TCF7L1: variants seen among roughly 807,000 people sequenced by gnomAD.
The protein encoded by TCF7L1 is transcription factor 7 like 1.
In TCF7L1, 18 loss-of-function variants were observed where a neutral mutation model predicts 63.7. That is an observed-to-expected ratio of 0.28 (90% CI 0.20 to 0.42). TCF7L1 has a LOEUF of 0.42. Ranked by LOEUF, TCF7L1 falls within the 10% of genes least tolerant of loss-of-function variation. The probability of loss-of-function intolerance (pLI) is 1.00; values close to 1 mark genes in which losing one functional copy is unlikely to be tolerated. For synonymous variants in TCF7L1, 355 were observed against 340.9 expected (o/e 1.04, Z -0.46); for missense variants, 654 against 779.3 (o/e 0.84, Z 1.91).
chr2:85,159,798 T>C (rs1412080972), intron 3 of TCF7L1, among the ~76,000 whole-genome samples: 2 of 152,232 alleles, frequency 1.3e-5, no homozygotes, highest in Admixed American at 6.5e-5. Flanking sequence ...CTGCCGGCCT[T>C]GCTGGTTTCC....
At chr2:85,165,385 C>T (rs998693234) in intron 3 of TCF7L1, among the ~76,000 whole-genome samples, 1 of 152,196 alleles carries the variant, frequency 6.6e-6, no homozygotes, top group African/African-American at 2.4e-5. Context: ...TTAAATCTGC[C>T]CTCCAGTCCT....
chr2:85,153,663 T>C (rs1437311429), intron 3 of TCF7L1, among the ~76,000 whole-genome samples: 1 of 152,196 alleles, frequency 6.6e-6, no homozygotes, highest in Non-Finnish European at 1.5e-5. Context: ...ATTTAATCTC[T>C]ACACTGCACT....
chr2:85,177,842 A>G (rs1678714986), intron 3 of TCF7L1, among the ~76,000 whole-genome samples: 1 of 152,252 alleles, frequency 6.6e-6, no homozygotes, highest in Non-Finnish European at 1.5e-5. Flanking sequence ...ATCAAAGCAT[A>G]GGTACACAGT....
chr2:85,134,366 C>T lies in TCF7L1; in HGVS notation c.357C>T (p.Tyr119=), dbSNP rs1415173242. 1.3e-6 allele frequency: 2 copies of T among 1,580,558 alleles called. No individual in the cohort carries two copies. Among genetic ancestry groups the T allele is most frequent in the Middle Eastern group, 1.7e-4 (1 of 5,958 alleles). Residue 119 remains tyrosine (Y), a synonymous_variant, in exon 3 of 12, where the codon TAC becomes TAT. Transcript: ENST00000282111. The surrounding 1 kb of genome is among the most constrained non-coding windows in gnomAD (Gnocchi z 5.0). ...GCGCGTTCTTTAAAGGACCCCCGTA[C>T]CCTGGGTACCCCTTCCTGATGATCC... ...QDSAFFKGPP[Y]PGYPFLMIPD...
intron 3 of TCF7L1, among the ~76,000 whole-genome samples, chr2:85,281,107 T>G (rs1328919996): frequency 6.9e-6 from 1 of 144,928 alleles, no homozygotes; most frequent in East Asian, 2.2e-4. Context: ...CACTGCAACC[T>G]CCGCCTCCTG....
intron 3 of TCF7L1, among the ~76,000 whole-genome samples, chr2:85,235,096 G>T (rs1193076799): frequency 6.6e-6 from 1 of 152,120 alleles, no homozygotes; most frequent in Non-Finnish European, 1.5e-5. Context: ...TGTGCTGGAT[G>T]AATAGGCCTC....
chr2:85,289,242 G>GTGTA (rs1465777567), intron 4 of TCF7L1, among the ~76,000 whole-genome samples: 3 of 151,010 alleles, frequency 2.0e-5, no homozygotes, highest in Non-Finnish European at 4.5e-5. Context: ...GTGTGTGTGT[G>GTGTA]TGTGTGTGTG....
chr2:85,308,972 A>C, intron 11 of TCF7L1, 57 bp from the exon 12 acceptor site: 2 of 1,515,892 alleles, frequency 1.3e-6, no homozygotes, highest in Non-Finnish European at 1.8e-6. Flanking sequence ...GCTGTTCCTC[A>C]GCCTCCTCCT....
chr2:85,139,695 A>G (rs1228254033), intron 3 of TCF7L1, among the ~76,000 whole-genome samples: 1 of 152,132 alleles, frequency 6.6e-6, no homozygotes, highest in Non-Finnish European at 1.5e-5. Context: ...GTCTTCCTTC[A>G]CTCTCATCTT....
intron 3 of TCF7L1, among the ~76,000 whole-genome samples, chr2:85,236,386 G>A (rs116066682): frequency 0.019 from 2,932 of 152,228 alleles, 68 homozygotes; most frequent in Middle Eastern, 0.061. Flanking sequence ...GGCAAAATCA[G>A]GTCCATACTT....
chr2:85,288,306 A>G (rs968807124), intron 4 of TCF7L1, among the ~76,000 whole-genome samples: 2 of 152,166 alleles, frequency 1.3e-5, no homozygotes, highest in Non-Finnish European at 2.9e-5. Flanking sequence ...TAAGCTCCCC[A>G]GGAGATTCCA....
At chr2:85,308,326 C>T (rs1000436302) in intron 11 of TCF7L1, among the ~76,000 whole-genome samples, 8 of 136,670 alleles carry the variant, frequency 5.9e-5, no homozygotes, top group African/African-American at 1.8e-4. Flanking sequence ...ATGTAAAGTG[C>T]TTTCAATCTC....
At chr2:85,269,511 G>T (rs1260127556) in intron 3 of TCF7L1, among the ~76,000 whole-genome samples, 1 of 152,196 alleles carries the variant, frequency 6.6e-6, no homozygotes, top group East Asian at 1.9e-4. Flanking sequence ...TGTAGAGACA[G>T]GGTTTCACCA....
In TCF7L1 at chr2:85,240,985, C is replaced by A. The variant is rs190378162; in HGVS notation, c.442-42510C>A. Among the ~76,000 whole-genome samples the A allele has an allele frequency of 5.0e-4, 76 of 152,244 alleles. 1 individual carries two copies. The highest frequency in any genetic ancestry group is 3.9e-3 in the Admixed American group (60 of 15,280). On this transcript the variant is annotated intron_variant, in intron 3 of 11. Transcript: ENST00000282111. ...TTTTATTTTAATGGAAATATTAAAT[C>A]TGTGCCTTTTGTTTTTGTTTTTAAG...
At chr2:85,207,359 C>T (rs1351749783) in intron 3 of TCF7L1, among the ~76,000 whole-genome samples, 2 of 152,184 alleles carry the variant, frequency 1.3e-5, no homozygotes, top group Non-Finnish European at 2.9e-5. Flanking sequence ...CACCTGCCCA[C>T]GTCCTGTGTG....
chr2:85,214,013 C>T (rs1679632005), intron 3 of TCF7L1, among the ~76,000 whole-genome samples: 2 of 152,190 alleles, frequency 1.3e-5, no homozygotes, highest in South Asian at 4.1e-4. Flanking sequence ...CCCCGGAACG[C>T]CCCTGACTCA....
intron 3 of TCF7L1, among the ~76,000 whole-genome samples, chr2:85,200,124 T>A (rs1378035876): frequency 2.0e-5 from 3 of 152,198 alleles, no homozygotes; most frequent in Admixed American, 2.0e-4. Flanking sequence ...CGTGTGGATA[T>A]CCCACATTTT....
At chr2:85,149,358 C>T (rs953264224) in intron 3 of TCF7L1, among the ~76,000 whole-genome samples, 3 of 151,688 alleles carry the variant, frequency 2.0e-5, no homozygotes, top group African/African-American at 7.3e-5. Flanking sequence ...CACACACACA[C>T]TAACTTTATA....
At chr2:85,156,351 C>T (rs1361241797) in intron 3 of TCF7L1, among the ~76,000 whole-genome samples, 1 of 152,230 alleles carries the variant, frequency 6.6e-6, no homozygotes, top group Non-Finnish European at 1.5e-5. Context: ...GGAATGACCA[C>T]CGCAGCCTGC....
Sources: allele counts gnomAD v4.1 joint callset (sites outside exome capture counted in the v4.1 genomes callset), GRCh38; gene constraint gnomAD v4.1.1; non-coding constraint Gnocchi (gnomAD v3.1); transcripts MANE v1.5; gene names NCBI Gene and HGNC (gene_info 2026-07-23, HGNC 2026-07-21).